The following DAAM1 variants were observed in gnomAD, a reference collection of about 807,000 sequenced individuals.
DAAM1 encodes the protein dishevelled associated activator of morphogenesis 1.
In DAAM1, 52 loss-of-function variants were observed where a neutral mutation model predicts 130.0. The observed-to-expected ratio is 0.40, with a 90% CI of 0.32 to 0.50. The LOEUF (loss-of-function observed/expected upper bound fraction) is 0.50, where lower values mean the gene tolerates loss of function less well. DAAM1 is among the 20% of genes least tolerant of loss of function. DAAM1 has a pLI of 0.61. For synonymous variants in DAAM1, 452 were observed against 444.5 expected (o/e 1.02, Z -0.21); for missense variants, 1,134 against 1,303.8 (o/e 0.87, Z 2.01).
intron 1 of DAAM1, among the ~76,000 whole-genome samples, chr14:59,202,720 T>G (rs539917985): frequency 2.1e-4 from 32 of 152,332 alleles, no homozygotes; most frequent in African/African-American, 7.5e-4. Context: ...GCTCTTTGCG[T>G]TCCCTGGCAG....
At chr14:59,289,215 C>A (rs1205064641) in intron 2 of DAAM1, among the ~76,000 whole-genome samples, 1 of 152,016 alleles carries the variant, frequency 6.6e-6, no homozygotes. Flanking sequence ...ACACCCGGCC[C>A]AACCACACAC....
intron 16 of DAAM1, among the ~76,000 whole-genome samples, chr14:59,346,703 G>A (rs897666289): frequency 6.6e-6 from 1 of 151,988 alleles, no homozygotes; most frequent in Non-Finnish European, 1.5e-5. Context: ...TTTCCCCTGG[G>A]TAAGACTATT....
intron 1 of DAAM1, among the ~76,000 whole-genome samples, chr14:59,249,449 A>G (rs1190971599): frequency 6.6e-6 from 1 of 152,228 alleles, no homozygotes; most frequent in East Asian, 1.9e-4. Context: ...TGCTGTTCTC[A>G]AAATCATTGA....
rs1357848760 is a variant in DAAM1 at position 59,369,743 on chromosome 14, T to TAAAG, written c.*886_*889dup. ...TTAAAGGAAGAATTCTCTGAAGGGA[T>TAAAG]AAAGATTACTAAAAAAAAAAAAAAA... On this transcript the variant is annotated 3_prime_UTR_variant, in exon 25 of 25. Coordinates refer to ENST00000360909, the MANE Select transcript of DAAM1 (RefSeq NM_001270520.2). 12 of 76,142 alleles carry TAAAG rather than the reference T, an allele frequency of 1.6e-4. No homozygotes were observed. The highest frequency in any genetic ancestry group is 9.0e-4 in the Admixed American group (5 of 5,556). The allele number at this position is 76,142 out of a possible 1,614,324, so 4.7% of individuals were successfully genotyped here.
intron 2 of DAAM1, 27 bp downstream of exon 2, chr14:59,263,687 T>C: frequency 1.2e-6 from 2 of 1,605,892 alleles, no homozygotes; most frequent in Non-Finnish European, 1.7e-6. Context: ...TATCCTGGCA[T>C]TGGTGGGGAG....
At chr14:59,248,062 G>C (rs191267932) in intron 1 of DAAM1, among the ~76,000 whole-genome samples, 7 of 152,200 alleles carry the variant, frequency 4.6e-5, no homozygotes, top group Non-Finnish European at 2.9e-5. Context: ...ATTAACTTCT[G>C]TCCAAATACT....
At chr14:59,367,126 A>G (rs1886948679) in intron 23 of DAAM1, among the ~76,000 whole-genome samples, 2 of 151,796 alleles carry the variant, frequency 1.3e-5, no homozygotes, top group African/African-American at 2.4e-5. Context: ...TGACTCTACT[A>G]AAAATACAAA....
intron 20 of DAAM1, among the ~76,000 whole-genome samples, chr14:59,355,735 G>C (rs972948000): frequency 6.6e-6 from 1 of 152,118 alleles, no homozygotes; most frequent in Admixed American, 6.5e-5. Flanking sequence ...CATAACCAGC[G>C]CCCAGATCAA....
At chr14:59,242,935 G>T (rs901846351) in intron 1 of DAAM1, among the ~76,000 whole-genome samples, 1 of 152,096 alleles carries the variant, frequency 6.6e-6, no homozygotes, top group Non-Finnish European at 1.5e-5. Context: ...TATGTAGAAG[G>T]TACTCAGTAA....
chr14:59,279,910 A>G (rs1296828304), intron 2 of DAAM1, among the ~76,000 whole-genome samples: 1 of 152,204 alleles, frequency 6.6e-6, no homozygotes, highest in Non-Finnish European at 1.5e-5. Context: ...GTAACTCAAT[A>G]AAAATGGGCA....
intron 17 of DAAM1, among the ~76,000 whole-genome samples, chr14:59,351,137 G>T (rs1050456107): frequency 1.3e-5 from 2 of 150,750 alleles, no homozygotes; most frequent in African/African-American, 4.9e-5. Context: ...AAGCCCAGGC[G>T]TCATCTTTGA....
chr14:59,326,029 G>C lies in DAAM1; in HGVS notation c.1126G>C (p.Ala376Pro). 1 of 1,614,192 alleles carries C rather than the reference G, an allele frequency of 6.2e-7. No individual in the cohort carries two copies. The highest frequency in any genetic ancestry group is 8.5e-7 in the Non-Finnish European group (1 of 1,180,028). ...CAGGAAGAGGCTGACACATAGTGAA[G>C]CTTACCCGCATTTCATGTCCATCCT... is the stretch of plus-strand genomic sequence containing the variant. ...LTRKRLTHSE[A>P]YPHFMSILHH... is the part of the protein sequence containing the mutation. Residue 376 changes from alanine to proline, a missense_variant, in exon 10 of 25, where the codon GCT becomes CCT. Coordinates refer to ENST00000360909, the MANE Select transcript of DAAM1 (RefSeq NM_001270520.2).
intron 2 of DAAM1, among the ~76,000 whole-genome samples, chr14:59,277,744 G>A (rs1332305630): frequency 2.0e-5 from 3 of 151,948 alleles, no homozygotes; most frequent in Non-Finnish European, 4.4e-5. Flanking sequence ...AAAGGAGCTC[G>A]GCCACCCAAG....
chr14:59,310,004 T>A (rs578089089), intron 3 of DAAM1, among the ~76,000 whole-genome samples: 44 of 152,296 alleles, frequency 2.9e-4, no homozygotes, highest in African/African-American at 1.1e-3. Flanking sequence ...TCTGCCTAGG[T>A]TTCTGTATAA....
intron 1 of DAAM1, among the ~76,000 whole-genome samples, chr14:59,225,019 GTTTTTTTTTTTTTT>G (rs869233694): frequency 6.6e-5 from 6 of 90,808 alleles, no homozygotes; most frequent in Non-Finnish European, 1.1e-4. Context: ...ATCTGTGTGG[GTTTTTTTTTTTTTT>G]TTTTTTTTTT....
intron 1 of DAAM1, among the ~76,000 whole-genome samples, chr14:59,241,616 T>C (rs1594775377): frequency 6.6e-6 from 1 of 152,246 alleles, no homozygotes; most frequent in East Asian, 1.9e-4. Flanking sequence ...ACTGCCATTT[T>C]GCTCCTTAAT....
intron 16 of DAAM1, among the ~76,000 whole-genome samples, chr14:59,344,055 G>A (rs1025354334): frequency 6.6e-6 from 1 of 152,198 alleles, no homozygotes; most frequent in Non-Finnish European, 1.5e-5. Flanking sequence ...AGGCCTGGGG[G>A]TGGCAGCGGG....
At chr14:59,345,362 C>T (rs1886031169) in intron 16 of DAAM1, among the ~76,000 whole-genome samples, 1 of 152,194 alleles carries the variant, frequency 6.6e-6, no homozygotes, top group Non-Finnish European at 1.5e-5. Flanking sequence ...GGCAACACAG[C>T]TCACATAAGG....
At chr14:59,311,916 C>G (rs1884613231) in intron 3 of DAAM1, among the ~76,000 whole-genome samples, 1 of 151,976 alleles carries the variant, frequency 6.6e-6, no homozygotes. Flanking sequence ...CCAGGCTCAT[C>G]TTGAACTCCG....
Sources: gnomAD v4.1 joint callset for allele counts (sites outside exome capture counted in the v4.1 genomes callset) on GRCh38, gnomAD v4.1.1 for gene constraint, MANE v1.5 for transcripts, NCBI Gene and HGNC (gene_info 2026-07-23, HGNC 2026-07-21) for gene names.